Variants in CPM observed in about 807,000 individuals in gnomAD.
The protein encoded by CPM is carboxypeptidase M, also known as renal carboxypeptidase.
In CPM, 35 loss-of-function variants were observed where a neutral mutation model predicts 46.4. The observed-to-expected ratio is 0.75, with a 90% CI of 0.58 to 1.00. CPM has a LOEUF of 1.00. Ranked by LOEUF, CPM falls within the 50% of genes least tolerant of loss-of-function variation. CPM has a pLI of 0.00. For synonymous variants in CPM, 195 were observed against 195.3 expected, an observed-to-expected ratio of 1.00 and a Z score of 0.01; for missense variants, 422 against 530.4, an observed-to-expected ratio of 0.80 and a Z score of 2.01.
intron 1 of CPM, among the ~76,000 whole-genome samples, chr12:68,959,811 GT>G (rs1889082402): frequency 6.6e-6 from 1 of 152,336 alleles, no homozygotes; most frequent in East Asian, 1.9e-4. Context: ...GTAATTTCTG[GT>G]GAGGATGATC....
intron 2 of CPM, among the ~76,000 whole-genome samples, chr12:68,915,665 C>T (rs3782341): frequency 0.063 from 9,551 of 152,262 alleles, 610 homozygotes; most frequent in African/African-American, 0.16. Context: ...GTGTAAGGCC[C>T]ACTGCCCTAG....
chr12:68,888,072 G>A (rs992051490), intron 2 of CPM, among the ~76,000 whole-genome samples: 5 of 152,128 alleles, frequency 3.3e-5, no homozygotes, highest in Admixed American at 6.6e-5. Context: ...GTTATACCTG[G>A]CTTTTAAAGT....
At chr12:68,922,570 A>G (rs1330767006) in intron 2 of CPM, among the ~76,000 whole-genome samples, 1 of 151,678 alleles carries the variant, frequency 6.6e-6, no homozygotes, top group African/African-American at 2.4e-5. Context: ...TAAGTGCGTG[A>G]TAACTCTGTG....
At chr12:68,921,780 G>A (rs936120645) in intron 2 of CPM, among the ~76,000 whole-genome samples, 1 of 152,020 alleles carries the variant, frequency 6.6e-6, no homozygotes, top group Non-Finnish European at 1.5e-5. Context: ...TCATTTTCTT[G>A]AGGGACTGAA....
intron 2 of CPM, among the ~76,000 whole-genome samples, chr12:68,930,502 C>A (rs1888455097): frequency 6.6e-6 from 1 of 152,214 alleles, no homozygotes; most frequent in African/African-American, 2.4e-5. Context: ...CACTAATGTG[C>A]AGTGACACTT....
At chr12:68,878,874 C>G (rs1383341482) in intron 3 of CPM, among the ~76,000 whole-genome samples, 1 of 152,190 alleles carries the variant, frequency 6.6e-6, no homozygotes, top group East Asian at 1.9e-4. Flanking sequence ...TTCCTACCCC[C>G]CATCTCCCCA....
intron 2 of CPM, among the ~76,000 whole-genome samples, chr12:68,890,689 A>G (rs1886618543): frequency 6.6e-6 from 1 of 152,264 alleles, no homozygotes; most frequent in South Asian, 2.1e-4. Flanking sequence ...TCCTGGAGCA[A>G]GACTGGGCTT....
intron 2 of CPM, among the ~76,000 whole-genome samples, chr12:68,913,447 C>T (rs144382723): frequency 2.0e-4 from 31 of 152,276 alleles, no homozygotes; most frequent in African/African-American, 6.7e-4. Context: ...CCAACACCCA[C>T]GTGATCCACC....
Position 68,957,705 on chromosome 12 carries a change from ATTATAC to A in CPM, c.-4+5458_-4+5463del, listed in dbSNP as rs1326365984. ...TAAAAAGGGGATTATTATTATTATT[ATTATAC>A]TTTAAGTTCTAGGGTACATGTGCAC... On this transcript the variant is annotated intron_variant, in intron 1 of 8. Transcript: ENST00000546373. 9.2e-3 allele frequency: 1,401 copies of A among 152,696 alleles called. 16 individuals carry two copies. Among genetic ancestry groups the A allele is most frequent in the African/African-American group, 0.031 (1,305 of 41,498 alleles). The allele number at this position is 152,696 out of a possible 1,614,324, so 9.5% of individuals were successfully genotyped here. A position where few individuals can be genotyped will look rare whatever the true frequency, so the allele number is the denominator to read the frequency against.
intron 2 of CPM, among the ~76,000 whole-genome samples, chr12:68,899,531 T>C (rs1887028515): frequency 6.6e-6 from 1 of 152,268 alleles, no homozygotes; most frequent in African/African-American, 2.4e-5. Flanking sequence ...GTTAAGAATT[T>C]CCAGTCTGGT....
chr12:68,884,092 A>G (rs986822882), intron 3 of CPM, among the ~76,000 whole-genome samples: 4 of 141,944 alleles, frequency 2.8e-5, no homozygotes, highest in African/African-American at 1.1e-4. Flanking sequence ...CCTGGGAGAC[A>G]AGAGCGAAAT....
At chr12:68,931,276 T>C (rs1212159017) in intron 2 of CPM, among the ~76,000 whole-genome samples, 1 of 152,146 alleles carries the variant, frequency 6.6e-6, no homozygotes, top group Middle Eastern at 3.2e-3. Flanking sequence ...ATATGGTAAT[T>C]ATGAGACTCT....
intron 7 of CPM, among the ~76,000 whole-genome samples, chr12:68,866,348 T>G (rs1190563595): frequency 2.0e-5 from 3 of 151,734 alleles, no homozygotes; most frequent in Non-Finnish European, 4.4e-5. Flanking sequence ...GTTTGTTTGT[T>G]TTTGAGATGG....
At chr12:68,935,448 A>G (rs1888658786), upstream of CPM, among the ~76,000 whole-genome samples, 1 of 150,570 alleles carries the variant, frequency 6.6e-6, no homozygotes, top group African/African-American at 2.4e-5. Flanking sequence ...TTTACACCAC[A>G]CATGCCTAAC....
chr12:68,898,594 AG>A (rs1480707465), intron 2 of CPM, among the ~76,000 whole-genome samples: 1 of 152,230 alleles, frequency 6.6e-6, no homozygotes, highest in Non-Finnish European at 1.5e-5. Flanking sequence ...TCTCAAAAAT[AG>A]ATCAGTAGTT....
intron 2 of CPM, among the ~76,000 whole-genome samples, chr12:68,902,810 G>C (rs1407349234): frequency 6.6e-6 from 1 of 152,142 alleles, no homozygotes; most frequent in African/African-American, 2.4e-5. Context: ...TTCCTCCAAA[G>C]TAAAACAGAC....
intron 2 of CPM, among the ~76,000 whole-genome samples, chr12:68,919,318 T>A (rs918918599): frequency 6.6e-6 from 1 of 152,240 alleles, no homozygotes; most frequent in Non-Finnish European, 1.5e-5. Context: ...TCCATTATAC[T>A]AAACTATGTA....
intron 2 of CPM, among the ~76,000 whole-genome samples, chr12:68,897,024 A>G (rs1886901824): frequency 6.6e-6 from 1 of 152,270 alleles, no homozygotes; most frequent in Admixed American, 6.5e-5. Flanking sequence ...TGTCTCATTA[A>G]TCACTAACCA....
intron 1 of CPM, among the ~76,000 whole-genome samples, chr12:68,947,245 A>G (rs1195812): frequency 0.33 from 50,368 of 152,082 alleles, 8,423 homozygotes; most frequent in South Asian, 0.46. Context: ...CAGAGGAAAT[A>G]GTATGTTTTA....
Sources: gnomAD v4.1 joint callset for allele counts (sites outside exome capture counted in the v4.1 genomes callset) on GRCh38, gnomAD v4.1.1 for gene constraint, MANE v1.5 for transcripts, NCBI Gene and HGNC (gene_info 2026-07-23, HGNC 2026-07-21) for gene names.